RIMS1: variants seen among roughly 807,000 people sequenced by gnomAD.
The protein encoded by RIMS1 is regulating synaptic membrane exocytosis protein 1.
In RIMS1, 83 loss-of-function variants were observed where a neutral mutation model predicts 214.1. The ratio of observed to expected loss-of-function variants is 0.39; its 90% CI spans 0.32 to 0.47. The LOEUF (loss-of-function observed/expected upper bound fraction) is 0.47. Ranked by LOEUF, RIMS1 falls within the 20% of genes least tolerant of loss-of-function variation. RIMS1 has a pLI of 0.99. For synonymous variants in RIMS1, 793 were observed against 786.8 expected (o/e 1.01, Z -0.13); for missense variants, 2,050 against 2,161.8 (o/e 0.95, Z 1.03).
intron 4 of RIMS1, among the ~76,000 whole-genome samples, chr6:72,100,380 G>A (rs949660107): frequency 1.3e-5 from 2 of 152,016 alleles, no homozygotes; most frequent in African/African-American, 4.8e-5. Context: ...AAAACACTTA[G>A]TAAAGGGAAT....
chr6:72,316,289 C>A (rs1030641951), intron 28 of RIMS1, among the ~76,000 whole-genome samples: 1 of 152,046 alleles, frequency 6.6e-6, no homozygotes, highest in Non-Finnish European at 1.5e-5. Context: ...GGAGGTGATA[C>A]CTGGTGACAG....
At chr6:72,026,976 T>C (rs1816704147) in intron 2 of RIMS1, among the ~76,000 whole-genome samples, 1 of 152,184 alleles carries the variant, frequency 6.6e-6, no homozygotes, top group Admixed American at 6.5e-5. Flanking sequence ...TTTTCTTCCA[T>C]CATCTGCAGT....
chr6:72,125,309 G>A (rs962473598), intron 4 of RIMS1, among the ~76,000 whole-genome samples: 1 of 152,200 alleles, frequency 6.6e-6, no homozygotes, highest in African/African-American at 2.4e-5. Context: ...ATCACCAGCA[G>A]AGGCTGCAGA....
intron 2 of RIMS1, among the ~76,000 whole-genome samples, chr6:72,012,739 G>T (rs892256842): frequency 6.6e-6 from 1 of 152,150 alleles, no homozygotes; most frequent in Non-Finnish European, 1.5e-5. Flanking sequence ...AATCTAGATT[G>T]GATTTGGAAT....
intron 26 of RIMS1, among the ~76,000 whole-genome samples, chr6:72,303,047 T>G (rs2154275201): frequency 6.6e-6 from 1 of 151,028 alleles, no homozygotes; most frequent in East Asian, 1.9e-4. Flanking sequence ...TATTTTTATA[T>G]AAATTAAATT....
intron 4 of RIMS1, among the ~76,000 whole-genome samples, chr6:72,102,387 A>G (rs996839926): frequency 6.6e-5 from 10 of 151,936 alleles, no homozygotes; most frequent in Admixed American, 2.6e-4. Context: ...GAACCTTACT[A>G]TTTTCTTATT....
rs116481363 is a variant in RIMS1, at chr6:72,022,336, T to C, written c.245+53273T>C. Among the ~76,000 whole-genome samples, 1,134 of 152,298 alleles carry C rather than the reference T, an allele frequency of 7.4e-3. 11 individuals carry two copies. The highest frequency in any genetic ancestry group is 0.026 in the African/African-American group (1,073 of 41,574). On this transcript the variant is annotated intron_variant, in intron 2 of 33. Coordinates refer to ENST00000521978, the MANE Select transcript of RIMS1 (RefSeq NM_014989.7). ...GTTCTCCCAACAAGATGGAGTCCCC[T>C]GTTCCCCTTGTTCAAACTTGGGCGT...
At chr6:72,316,034 C>G (rs1399172404) in intron 28 of RIMS1, among the ~76,000 whole-genome samples, 1 of 150,424 alleles carries the variant, frequency 6.6e-6, no homozygotes, top group Non-Finnish European at 1.5e-5. Flanking sequence ...TAATAAGCAG[C>G]AAAGTTTTTT....
chr6:72,039,220 A>T (rs1023053995), intron 2 of RIMS1, among the ~76,000 whole-genome samples: 1 of 152,130 alleles, frequency 6.6e-6, no homozygotes, highest in African/African-American at 2.4e-5. Context: ...GTTTCAAATA[A>T]TGTTGATTGA....
At chr6:72,315,130 A>C (rs951825987) in intron 28 of RIMS1, among the ~76,000 whole-genome samples, 4 of 152,204 alleles carry the variant, frequency 2.6e-5, no homozygotes, top group African/African-American at 7.2e-5. Context: ...GGAAAACTAC[A>C]TGTTAGTAGT....
At chr6:71,967,275 C>G (rs1794718350) in intron 1 of RIMS1, among the ~76,000 whole-genome samples, 1 of 152,062 alleles carries the variant, frequency 6.6e-6, no homozygotes, top group Non-Finnish European at 1.5e-5. Context: ...GTAGTCCCAG[C>G]TACTCAGGAG....
At chr6:72,242,194 A>G (rs2067251750) in intron 9 of RIMS1, 120 bp from the exon 10 acceptor site, 2 of 751,178 alleles carry the variant, frequency 2.7e-6, no homozygotes, top group East Asian at 5.8e-5. Context: ...TTTTGAAAGC[A>G]GAGCCTAGAC....
intron 16 of RIMS1, 151 bp from the exon 17 acceptor site, chr6:72,257,974 A>G (rs541851751): frequency 5.7e-5 from 39 of 687,260 alleles, no homozygotes; most frequent in South Asian, 5.3e-4. Context: ...GGTATACTTA[A>G]TATTTTTGAA....
At chr6:71,959,471 A>G (rs557722102) in intron 1 of RIMS1, among the ~76,000 whole-genome samples, 1 of 152,272 alleles carries the variant, frequency 6.6e-6, no homozygotes, top group South Asian at 2.1e-4. Context: ...GAAGTATCTA[A>G]AAACATTATT....
chr6:72,026,452 A>ACC (rs1816507218), intron 2 of RIMS1, among the ~76,000 whole-genome samples: 4 of 60,218 alleles, frequency 6.6e-5, no homozygotes, highest in African/African-American at 1.1e-4. Context: ...CTCCCCCAGC[A>ACC]CCGCCCCCCC....
chr6:72,039,990 G>A (rs1044747410), intron 2 of RIMS1, among the ~76,000 whole-genome samples: 5 of 151,970 alleles, frequency 3.3e-5, no homozygotes, highest in African/African-American at 1.2e-4. Flanking sequence ...ATAACTAAAG[G>A]CTGTAAGCCA....
At chr6:72,242,777 G>A (rs1271264617) in intron 10 of RIMS1, among the ~76,000 whole-genome samples, 1 of 151,642 alleles carries the variant, frequency 6.6e-6, no homozygotes, top group African/African-American at 2.4e-5. Flanking sequence ...TTTAAGAGAG[G>A]CACTAACAAA....
At chr6:72,194,809 A>G (rs1277410870) in intron 6 of RIMS1, among the ~76,000 whole-genome samples, 1 of 152,132 alleles carries the variant, frequency 6.6e-6, no homozygotes, top group African/African-American at 2.4e-5. Flanking sequence ...GGGATTATCT[A>G]AAAATTGAGA....
chr6:72,116,628 T>C (rs1204555097), intron 4 of RIMS1, among the ~76,000 whole-genome samples: 3 of 151,980 alleles, frequency 2.0e-5, no homozygotes, highest in African/African-American at 7.2e-5. Context: ...ATCTTAGGCT[T>C]TGTGAGCTTT....
Sources: gnomAD v4.1 joint callset for allele counts (sites outside exome capture counted in the v4.1 genomes callset) on GRCh38, gnomAD v4.1.1 for gene constraint, MANE v1.5 for transcripts, NCBI Gene and HGNC (gene_info 2026-07-23, HGNC 2026-07-21) for gene names.